TAB2: variants seen among roughly 807,000 people sequenced by gnomAD.
TAB2 encodes TGF-beta activated kinase 1 (MAP3K7) binding protein 2, also known as TGF-beta-activated kinase 1 and MAP3K7-binding protein 2.
A neutral mutation model predicts 65.0 loss-of-function variants in TAB2; 3 were observed. The observed-to-expected ratio is 0.05, with a 90% CI of 0.02 to 0.12. The LOEUF (loss-of-function observed/expected upper bound fraction) is 0.12, where lower values mean the gene tolerates loss of function less well. TAB2 is among the 10% of genes least tolerant of loss of function. The pLI is 1.00. For missense variants in TAB2, 623 were observed against 840.3 expected (o/e 0.74, Z 3.20); for synonymous variants, 298 against 285.1 (o/e 1.05, Z -0.46).
At chr6:149,225,797 G>T (rs998523556) in intron 1 of TAB2, among the ~76,000 whole-genome samples, 1 of 152,018 alleles carries the variant, frequency 6.6e-6, no homozygotes, top group Non-Finnish European at 1.5e-5. Flanking sequence ...TTGGTGTTAG[G>T]TACTCCCATT....
chr6:149,241,909 C>T (rs962711040), intron 1 of TAB2, among the ~76,000 whole-genome samples: 2 of 152,198 alleles, frequency 1.3e-5, no homozygotes, highest in African/African-American at 2.4e-5. Flanking sequence ...CGTGCCTCCT[C>T]TCTCTGCTGC....
chr6:149,403,124 C>T (rs1347582827), intron 6 of TAB2, among the ~76,000 whole-genome samples: 1 of 150,996 alleles, frequency 6.6e-6, no homozygotes, highest in African/African-American at 2.4e-5. Flanking sequence ...ATCCCAGGTA[C>T]TCAGGAGGCT....
intron 1 of TAB2, among the ~76,000 whole-genome samples, chr6:149,322,974 C>T (rs1382290305): frequency 1.3e-5 from 2 of 152,118 alleles, no homozygotes; most frequent in African/African-American, 4.8e-5. Flanking sequence ...TGGAAGATCA[C>T]GAAACAGCAC....
At chr6:149,327,300 T>A (rs981209796) in intron 1 of TAB2, among the ~76,000 whole-genome samples, 49 of 152,356 alleles carry the variant, frequency 3.2e-4, no homozygotes, top group African/African-American at 1.2e-3. Context: ...GAGCACAAAT[T>A]ATGTCATAGT....
At chr6:149,296,467 G>A (rs1778878421) in intron 1 of TAB2, among the ~76,000 whole-genome samples, 2 of 152,070 alleles carry the variant, frequency 1.3e-5, no homozygotes, top group South Asian at 4.2e-4. Flanking sequence ...TTCCTTCCAT[G>A]TTTGGCCTAA....
chr6:149,241,850 T>A (rs12202776), intron 1 of TAB2, among the ~76,000 whole-genome samples: 3,118 of 152,264 alleles, frequency 0.02, 51 homozygotes, highest in Middle Eastern at 0.031. Flanking sequence ...GTAGAAAGAA[T>A]TGGGGAAGAA....
At chr6:149,409,403 G>A (rs1241696761) in intron 6 of TAB2, among the ~76,000 whole-genome samples, 174 bp from the exon 7 acceptor site, 1 of 152,112 alleles carries the variant, frequency 6.6e-6, no homozygotes, top group Non-Finnish European at 1.5e-5. Context: ...AGGGAGAAGT[G>A]CCAACTAGAT....
At chr6:149,331,265 A>G (rs778607762) in intron 1 of TAB2, among the ~76,000 whole-genome samples, 12 of 152,064 alleles carry the variant, frequency 7.9e-5, no homozygotes, top group Non-Finnish European at 1.6e-4. Context: ...TAGCATAAAA[A>G]TCCCGTGCAT....
intron 1 of TAB2, among the ~76,000 whole-genome samples, chr6:149,366,569 T>TA (rs910474470): frequency 1.3e-5 from 2 of 152,116 alleles, no homozygotes; most frequent in African/African-American, 4.8e-5. Context: ...TAAAAGCCAT[T>TA]AAAAAATGGA....
intron 1 of TAB2, among the ~76,000 whole-genome samples, chr6:149,343,976 C>T (rs1780209476): frequency 6.6e-6 from 1 of 152,174 alleles, no homozygotes; most frequent in Non-Finnish European, 1.5e-5. Flanking sequence ...AAAAGGCAAT[C>T]CTAATATTCT....
At chr6:149,399,254 CA>C in intron 6 of TAB2, 70 bp downstream of exon 6, 2 of 1,143,968 alleles carry the variant, frequency 1.7e-6, no homozygotes, top group Non-Finnish European at 2.6e-6. Context: ...TTTTCCTGTT[CA>C]GCAACCTTCC....
At chr6:149,256,814 C>T (rs1778046399) in intron 1 of TAB2, among the ~76,000 whole-genome samples, 1 of 152,164 alleles carries the variant, frequency 6.6e-6, no homozygotes, top group Admixed American at 6.5e-5. Context: ...CTTTGCTTTG[C>T]TCAAAACTCG....
intron 1 of TAB2, among the ~76,000 whole-genome samples, chr6:149,284,394 G>A (rs77385904): frequency 0.012 from 1,781 of 152,134 alleles, 29 homozygotes; most frequent in African/African-American, 0.041. Flanking sequence ...ATTTCCCTGT[G>A]AATATTTCCA....
At chr6:149,351,102 G>A (rs1780475656) in intron 1 of TAB2, among the ~76,000 whole-genome samples, 1 of 151,298 alleles carries the variant, frequency 6.6e-6, no homozygotes, top group Non-Finnish European at 1.5e-5. Context: ...AAGTTCCTAT[G>A]CTTCAATACT....
intron 1 of TAB2, among the ~76,000 whole-genome samples, chr6:149,232,166 G>A (rs2114633714): frequency 1.3e-5 from 2 of 152,256 alleles, no homozygotes; most frequent in African/African-American, 4.8e-5. Context: ...ATAAGGAAGA[G>A]GGAAGAGCAC....
chr6:149,285,832 T>G (rs1228616678), intron 1 of TAB2, among the ~76,000 whole-genome samples: 1 of 152,146 alleles, frequency 6.6e-6, no homozygotes. Flanking sequence ...AAACATGGAT[T>G]GCTGGCACCT....
intron 3 of TAB2, chr6:149,379,847 G>A (rs1781551359): frequency 2.2e-6 from 1 of 451,934 alleles, no homozygotes; most frequent in Admixed American, 2.4e-5. Flanking sequence ...TAAATTTTCT[G>A]TAAATAAAAA....
chr6:149,273,765 T>C lies in TAB2; in HGVS notation c.-121+54989T>C, dbSNP rs775282572. On this transcript the variant is annotated intron_variant, in intron 1 of 1. Coordinates refer to the TAB2 transcript ENST00000606202. The stretch of plus-strand genomic sequence containing the variant: ...TTGTCTCTGGTCCCTCAGAATGAAA[T>C]GATGAAAGAAAACAGAAGGGCAGAA... Among the ~76,000 whole-genome samples, 27 of 152,114 alleles carry C rather than the reference T, an allele frequency of 1.8e-4. No homozygotes were observed. In the South Asian group the frequency reaches 2.7e-3, roughly 15 times the overall value.
intron 1 of TAB2, among the ~76,000 whole-genome samples, chr6:149,267,625 C>T (rs1778287695): frequency 6.6e-6 from 1 of 152,116 alleles, no homozygotes; most frequent in South Asian, 2.1e-4. Flanking sequence ...GTGTCACTAA[C>T]AACAGGGTTA....
Sources: allele counts gnomAD v4.1 joint callset (sites outside exome capture counted in the v4.1 genomes callset), GRCh38; gene constraint gnomAD v4.1.1; transcripts MANE v1.5; gene names NCBI Gene and HGNC (gene_info 2026-07-23, HGNC 2026-07-21).